Variants in HNMT observed in about 807,000 individuals in gnomAD.
The protein encoded by HNMT is histamine N-methyltransferase.
Under a neutral mutation model 32.1 loss-of-function variants are expected in HNMT, and 30 were observed. The ratio of observed to expected loss-of-function variants is 0.93; its 90% CI spans 0.70 to 1.27. The LOEUF is 1.27. HNMT is among the 50% of genes most tolerant of loss of function. HNMT has a pLI of 0.00. For missense variants in HNMT, 327 were observed against 346.0 expected, an observed-to-expected ratio of 0.95 and a Z score of 0.43; for synonymous variants, 125 against 119.0, an observed-to-expected ratio of 1.05 and a Z score of -0.33.
intron 1 of HNMT, among the ~76,000 whole-genome samples, chr2:137,965,094 A>G (rs1393409855): frequency 6.6e-6 from 1 of 152,152 alleles, no homozygotes; most frequent in Non-Finnish European, 1.5e-5. Context: ...ATTTAAATTA[A>G]TTTTCCTTAT....
At chr2:138,013,579 C>T (rs1190252386) in intron 5 of HNMT, among the ~76,000 whole-genome samples, 196 bp from the exon 6 acceptor site, 1 of 152,132 alleles carries the variant, frequency 6.6e-6, no homozygotes, top group African/African-American at 2.4e-5. Context: ...AGCATTTACT[C>T]AGATTACTTT....
chr2:137,989,586 A>G lies in HNMT; in HGVS notation c.191-11332A>G, dbSNP rs537807723. ...ATGTGCAGATTTTTGTGTGACTGTA[A>G]GTTTTCAACTCCTTTGGGTAGAAAC... On this transcript the variant is annotated intron_variant, in intron 2 of 5. Transcript: ENST00000280097. 3.3e-5 allele frequency among the ~76,000 whole-genome samples: 5 copies of G among 152,332 alleles called. No individual in the cohort carries two copies. In the East Asian group the frequency reaches 9.6e-4, roughly 29 times the overall value.
intron 5 of HNMT, 61 bp from the exon 6 acceptor site, chr2:138,013,714 C>A: frequency 7.7e-7 from 1 of 1,304,744 alleles, no homozygotes; most frequent in South Asian, 1.3e-5. Flanking sequence ...AGTGTACTTT[C>A]TGGCAGACTG....
intron 1 of HNMT, among the ~76,000 whole-genome samples, chr2:137,965,978 G>C (rs1440771793): frequency 6.6e-6 from 1 of 152,150 alleles, no homozygotes; most frequent in African/African-American, 2.4e-5. Flanking sequence ...CACACTGTTT[G>C]TCTTATAACA....
chr2:138,007,497 A>T (rs554314227), intron 5 of HNMT, among the ~76,000 whole-genome samples: 6 of 152,084 alleles, frequency 3.9e-5, no homozygotes, highest in African/African-American at 1.4e-4. Context: ...TCGGCATGTC[A>T]TACTTAACTC....
At chr2:137,992,268 G>C (rs1204078490) in intron 2 of HNMT, among the ~76,000 whole-genome samples, 1 of 152,200 alleles carries the variant, frequency 6.6e-6, no homozygotes, top group Admixed American at 6.5e-5. Flanking sequence ...CTCCTTGTGG[G>C]AGGAGCAGCA....
At chr2:138,007,519 G>C (rs1409113814) in intron 5 of HNMT, among the ~76,000 whole-genome samples, 11 of 151,942 alleles carry the variant, frequency 7.2e-5, no homozygotes, top group Admixed American at 7.2e-4. Context: ...TAAAGATCCA[G>C]AGTAAATGAT....
intron 2 of HNMT, among the ~76,000 whole-genome samples, chr2:137,975,879 AT>A (rs762915239): frequency 3.9e-5 from 6 of 152,160 alleles, no homozygotes; most frequent in Admixed American, 2.0e-4. Context: ...GCTTATTGCC[AT>A]TTTCGTATAT....
In HNMT at chr2:138,015,213, C is replaced by T. The variant is rs1681627455; in HGVS notation, c.*1083C>T. On this transcript the variant is annotated 3_prime_UTR_variant, in exon 6 of 6. Coordinates refer to ENST00000280097, the MANE Select transcript of HNMT (RefSeq NM_006895.3). ...GTTTCTTATTTTTAATAATAACGCT[C>T]TGTTATTTTTGACATAAACAGTACA... is the stretch of plus-strand genomic sequence containing the variant. The T allele has an allele frequency of 6.6e-6, 1 of 151,886 alleles. No homozygotes were observed. Among genetic ancestry groups the T allele is most frequent in the African/African-American group, 2.4e-5 (1 of 41,392 alleles). 9.4% of individuals were successfully genotyped at this position (151,886 alleles called of 1,614,324 possible).
intron 2 of HNMT, chr2:137,981,779 C>T (rs1000613043): frequency 1.2e-5 from 2 of 166,464 alleles, no homozygotes; most frequent in Non-Finnish European, 2.6e-5. Context: ...ACAGAGAGAC[C>T]CACACATTTG....
rs1369141013 is a variant in HNMT, at chr2:137,970,188, T to C, written c.161T>C (p.Ile54Thr). 1 of 1,579,412 alleles carries C rather than the reference T, an allele frequency of 6.3e-7. No individual in the cohort carries two copies. The highest frequency in any genetic ancestry group is 8.7e-7 in the Non-Finnish European group (1 of 1,155,056). Residue 54 changes from isoleucine to threonine, a missense_variant, in exon 2 of 6, where the codon ATT becomes ACT. Physicochemically the swap from Ile to Thr is moderately conservative, Grantham distance 89 (BLOSUM62 -1). Transcript: ENST00000280097. ...AGGATTGGAGACACAAAATCAGAAATTAAGATTCTAAGCATAGGCGGAGGT... is the reference window on the plus strand; with the variant it reads ...AGGATTGGAGACACAAAATCAGAAACTAAGATTCTAAGCATAGGCGGAGGT... The part of the protein sequence containing the change: ...IGRIGDTKSE[I>T]KILSIGGGAG...
Position 138,009,685 on chromosome 2 carries a change from T to C in HNMT, c.524-4090T>C, listed in dbSNP as rs75170111. 1.1e-4 allele frequency among the ~76,000 whole-genome samples: 17 copies of C among 152,204 alleles called. No individual in the cohort carries two copies. In the East Asian group the frequency reaches 2.5e-3, roughly 22 times the overall value. ...AAATTTCCAATCAGACATTTTCATA[T>C]TGATGTCAGTGAACACACATAGGAA... On this transcript the variant is annotated intron_variant, in intron 5 of 5. Coordinates refer to ENST00000280097, the MANE Select transcript of HNMT (RefSeq NM_006895.3).
At chr2:138,003,019 G>C (rs1681225831) in intron 4 of HNMT, among the ~76,000 whole-genome samples, 1 of 144,998 alleles carries the variant, frequency 6.9e-6, no homozygotes, top group Non-Finnish European at 1.5e-5. Flanking sequence ...TCACTCATAG[G>C]TGGGAATTGA....
chr2:138,001,810 T>G (rs987404739), intron 3 of HNMT, among the ~76,000 whole-genome samples: 2 of 152,140 alleles, frequency 1.3e-5, no homozygotes, highest in African/African-American at 4.8e-5. Flanking sequence ...TCATTAATAC[T>G]AAGACAATAT....
Position 137,974,462 on chromosome 2 carries a change from A to G in HNMT, c.190+4245A>G, listed in dbSNP as rs188089579. The stretch of plus-strand genomic sequence containing the variant: ...GAGTGTTGTCTTCATGCTAGATGGT[A>G]CGTGGGAAAAAAGAAACCCATATTC... On this transcript the variant is annotated intron_variant, in intron 2 of 5. Coordinates refer to ENST00000280097, the MANE Select transcript of HNMT (RefSeq NM_006895.3). Among the ~76,000 whole-genome samples the G allele has an allele frequency of 3.9e-5, 6 of 152,292 alleles. No individual in the cohort carries two copies. The East Asian group carries it at 9.6e-4, about 24-fold the overall frequency.
At chr2:137,995,975 T>C (rs939007004) in intron 2 of HNMT, among the ~76,000 whole-genome samples, 5 of 152,104 alleles carry the variant, frequency 3.3e-5, no homozygotes, top group African/African-American at 1.2e-4. Flanking sequence ...ACTACTCTTC[T>C]TGTTAAAAAC....
intron 2 of HNMT, among the ~76,000 whole-genome samples, chr2:137,991,180 C>T (rs1308606432): frequency 6.6e-6 from 1 of 152,200 alleles, no homozygotes; most frequent in Admixed American, 6.5e-5. Context: ...CATGCTCTGC[C>T]TGGATATGCC....
intron 2 of HNMT, among the ~76,000 whole-genome samples, chr2:138,000,453 T>C (rs1376312422): frequency 7.0e-6 from 1 of 142,888 alleles, no homozygotes. Flanking sequence ...CTTGTACCCT[T>C]TATTTAATCT....
intron 5 of HNMT, 96 bp downstream of exon 5, chr2:138,005,321 A>T: frequency 1.3e-6 from 1 of 743,416 alleles, no homozygotes; most frequent in Non-Finnish European, 2.3e-6. Context: ...TTTTGTCTTC[A>T]TTATGAAATT....
Sources: gnomAD v4.1 joint callset for allele counts (sites outside exome capture counted in the v4.1 genomes callset) on GRCh38, gnomAD v4.1.1 for gene constraint, MANE v1.5 for transcripts, NCBI Gene and HGNC (gene_info 2026-07-23, HGNC 2026-07-21) for gene names.